Variants in DNAH6 observed in about 807,000 individuals in gnomAD.
DNAH6 encodes dynein axonemal heavy chain 6, also known as axonemal beta dynein heavy chain 6.
A neutral mutation model predicts 491.4 loss-of-function variants in DNAH6; 340 were observed. The ratio of observed to expected loss-of-function variants is 0.69; its 90% CI spans 0.63 to 0.76. The LOEUF (loss-of-function observed/expected upper bound fraction) is 0.76. Among genes scored for constraint, DNAH6 ranks in the 30% least tolerant of loss-of-function variants. The pLI is 0.00. For missense variants in DNAH6, 4,443 were observed against 4,972.2 expected (o/e 0.89, Z 3.20); for synonymous variants, 1,603 against 1,686.1 (o/e 0.95, Z 1.21).
intron 10 of DNAH6, among the ~76,000 whole-genome samples, chr2:84,553,496 T>G (rs1216952087): frequency 3.3e-5 from 5 of 150,608 alleles, no homozygotes; most frequent in African/African-American, 1.2e-4. Flanking sequence ...AGGGATTCAC[T>G]CTGTCACCCG....
At chr2:84,659,444 CACAGTGTGAAAGTA>C (rs1251831814) in intron 37 of DNAH6, among the ~76,000 whole-genome samples, 2 of 152,036 alleles carry the variant, frequency 1.3e-5, no homozygotes, top group African/African-American at 2.4e-5. Context: ...ATTTATTTTT[CACAGTGTGAAAGTA>C]ACAGTGTGAT....
At chr2:84,718,112 A>G in intron 58 of DNAH6, 92 bp from the exon 59 acceptor site, 1 of 1,072,666 alleles carries the variant, frequency 9.3e-7, no homozygotes, top group Non-Finnish European at 1.3e-6. Context: ...TAGTATTCAG[A>G]ATAAGAACGA....
chr2:84,740,971 C>T (rs757266401), intron 62 of DNAH6, among the ~76,000 whole-genome samples: 7 of 152,118 alleles, frequency 4.6e-5, no homozygotes, highest in African/African-American at 7.2e-5. Context: ...CTGTGGCCAC[C>T]GCTGCCAGGT....
intron 58 of DNAH6, 23 bp downstream of exon 58, chr2:84,715,650 G>A: frequency 1.3e-6 from 2 of 1,544,512 alleles, no homozygotes; most frequent in Non-Finnish European, 1.8e-6. Flanking sequence ...GGAGTTGAGG[G>A]GAGGGAAGGG....
intron 64 of DNAH6, 115 bp from the exon 65 acceptor site, chr2:84,781,378 A>G: frequency 1.2e-6 from 1 of 859,736 alleles, no homozygotes; most frequent in Non-Finnish European, 1.7e-6. Context: ...TATTGGAATG[A>G]GGATTCAAAA....
chr2:84,712,446 G>A (rs776398014), intron 56 of DNAH6, among the ~76,000 whole-genome samples: 1 of 152,132 alleles, frequency 6.6e-6, no homozygotes, highest in Non-Finnish European at 1.5e-5. Context: ...CCATGCCCAC[G>A]TTCCTACCAA....
the DNAH6 span, among the ~76,000 whole-genome samples, chr2:84,502,614 T>C: frequency 6.6e-6 from 1 of 152,274 alleles, no homozygotes; most frequent in South Asian, 2.1e-4. Flanking sequence ...CGAAATAGGG[T>C]GTTGGAGTCT....
At position 84,691,893 on chromosome 2, in the gene DNAH6, C is replaced by T. The variant is rs115368338; in HGVS notation, c.7293-2356C>T. Among the ~76,000 whole-genome samples the T allele has an allele frequency of 4.0e-3, 610 of 152,254 alleles. 3 individuals are homozygous for T. The highest frequency in any genetic ancestry group is 0.014 in the African/African-American group (569 of 41,556). ...GCCCACAGGCCATAGTTTGCTGACC[C>T]CGGTTTTAGACAAAGCCATCTTACC... On this transcript the variant is annotated intron_variant, in intron 45 of 76. Coordinates refer to ENST00000389394, the MANE Select transcript of DNAH6 (RefSeq NM_001370.2).
the DNAH6 span, among the ~76,000 whole-genome samples, chr2:84,469,794 G>C: frequency 3.3e-5 from 5 of 152,114 alleles, no homozygotes; most frequent in Non-Finnish European, 7.4e-5. The surrounding 1 kb of genome is among the most constrained non-coding windows in gnomAD (Gnocchi z 4.0). Flanking sequence ...AAGCATGCAA[G>C]GCAGATTATT....
At chr2:84,508,065 GATGATACTGGCCTCATAAA>G in the DNAH6 span, among the ~76,000 whole-genome samples, 1 of 152,318 alleles carries the variant, frequency 6.6e-6, no homozygotes, top group South Asian at 2.1e-4. Context: ...TTGGTATCAG[GATGATACTGGCCTCATAAA>G]ATGAGTTAGG....
rs1469607385 is a variant in DNAH6, at chr2:84,685,491, C to T, written c.7063+19C>T. ...ATGGCCAGTAAATATGAATCTTTAC[C>T]TATTCTTTTTTTTATTTGAGTAGAA... On this transcript the variant is annotated intron_variant, in intron 43 of 76. Transcript: ENST00000389394. 3.6e-6 allele frequency: 5 copies of T among 1,371,914 alleles called. No individual in the cohort carries two copies. Among genetic ancestry groups the T allele is most frequent in the African/African-American group, 1.5e-5 (1 of 68,138 alleles). The allele number at this position is 1,371,914 out of a possible 1,614,324, so 85.0% of individuals were successfully genotyped here.
chr2:84,633,561 C>T (rs549457325), intron 29 of DNAH6, among the ~76,000 whole-genome samples: 1 of 152,120 alleles, frequency 6.6e-6, no homozygotes, highest in South Asian at 2.1e-4. Flanking sequence ...TGAATTGCAA[C>T]TTGTGTATAT....
chr2:84,625,871 C>A (rs897316695), intron 29 of DNAH6, among the ~76,000 whole-genome samples: 3 of 152,150 alleles, frequency 2.0e-5, no homozygotes, highest in Non-Finnish European at 4.4e-5. Context: ...TAACCTCACA[C>A]AGATATGGAC....
intron 12 of DNAH6, among the ~76,000 whole-genome samples, chr2:84,575,741 G>A (rs545814120): frequency 1.4e-3 from 208 of 152,274 alleles, no homozygotes; most frequent in Non-Finnish European, 2.4e-3. Context: ...AAAATTAGCC[G>A]GGTGTGGTGG....
At chr2:84,776,418 T>C (rs1463243968) in intron 64 of DNAH6, among the ~76,000 whole-genome samples, 1 of 152,230 alleles carries the variant, frequency 6.6e-6, no homozygotes, top group Non-Finnish European at 1.5e-5. Flanking sequence ...TATGTCCAAC[T>C]TCAGGAATTG....
At chr2:84,510,995 C>A in the DNAH6 span, among the ~76,000 whole-genome samples, 1 of 152,090 alleles carries the variant, frequency 6.6e-6, no homozygotes, top group African/African-American at 2.4e-5. Context: ...CTTGGGGGTG[C>A]CTCCCAGTTG....
At chr2:84,807,711 C>A (rs1573871041) in intron 71 of DNAH6, among the ~76,000 whole-genome samples, 2 of 152,164 alleles carry the variant, frequency 1.3e-5, no homozygotes, top group Non-Finnish European at 2.9e-5. Flanking sequence ...ACCACTGAAG[C>A]CTTCAGGGCT....
intron 11 of DNAH6, among the ~76,000 whole-genome samples, chr2:84,562,076 T>C (rs1680736364): frequency 6.6e-6 from 1 of 152,106 alleles, no homozygotes; most frequent in South Asian, 2.1e-4. Context: ...ATAGTGCAAC[T>C]GTAAAAATAG....
At chr2:84,609,856 A>G (rs961903017) in intron 21 of DNAH6, among the ~76,000 whole-genome samples, 1 of 152,188 alleles carries the variant, frequency 6.6e-6, no homozygotes, top group Non-Finnish European at 1.5e-5. Context: ...AAAATGCAAT[A>G]TCTGCAAAAT....
Sources: allele counts gnomAD v4.1 joint callset (sites outside exome capture counted in the v4.1 genomes callset), GRCh38; gene constraint gnomAD v4.1.1; non-coding constraint Gnocchi (gnomAD v3.1); transcripts MANE v1.5; gene names NCBI Gene and HGNC (gene_info 2026-07-23, HGNC 2026-07-21).